The following PTPRD variants were observed in gnomAD, a reference collection of about 807,000 sequenced individuals.
PTPRD encodes the protein receptor-type tyrosine-protein phosphatase delta.
Under a neutral mutation model 214.5 loss-of-function variants are expected in PTPRD, and 34 were observed. The observed-to-expected ratio is 0.16, with a 90% CI of 0.12 to 0.21. PTPRD has a LOEUF of 0.21. PTPRD is among the 10% of genes least tolerant of loss of function. The probability of loss-of-function intolerance (pLI) is 1.00; values close to 1 mark genes in which losing one functional copy is unlikely to be tolerated. For missense variants in PTPRD, 2,545 were observed against 2,398.7 expected (o/e 1.06, Z -1.27); for synonymous variants, 1,128 against 845.7 (o/e 1.33, Z -5.79).
At chr9:9,385,760 A>T (rs1011972114) in intron 9 of PTPRD, among the ~76,000 whole-genome samples, 3 of 152,188 alleles carry the variant, frequency 2.0e-5, no homozygotes, top group African/African-American at 7.2e-5. Context: ...TAGTCGACAT[A>T]ACTTTGGGGT....
chr9:10,503,885 G>C (rs1163525759), intron 2 of PTPRD, among the ~76,000 whole-genome samples: 1 of 151,746 alleles, frequency 6.6e-6, no homozygotes, highest in South Asian at 2.1e-4. Flanking sequence ...GGGAGGCCGA[G>C]GTGGGCGGAT....
In PTPRD at chr9:10,262,969, A is replaced by T. The variant is rs143915017; in HGVS notation, c.-545+77994T>A. 3.7e-3 allele frequency among the ~76,000 whole-genome samples: 567 copies of T among 152,256 alleles called. 4 individuals carry two copies. The highest frequency in any genetic ancestry group is 6.6e-3 in the Non-Finnish European group (450 of 68,016). ...ATACTGTTCTCGTGGTAGTGAATAC[A>T]TCTCAAGAGATCTGATGGTTTTAAA... On this transcript the variant is annotated intron_variant, in intron 3 of 45. Transcript: ENST00000381196.
intron 11 of PTPRD, among the ~76,000 whole-genome samples, chr9:8,849,553 A>C (rs575440216): frequency 1.3e-3 from 192 of 152,278 alleles, no homozygotes; most frequent in Admixed American, 2.5e-3. Context: ...ACTCAATTCA[A>C]CGAAAAGGAA....
intron 3 of PTPRD, among the ~76,000 whole-genome samples, chr9:10,177,749 C>T (rs561399718): frequency 3.9e-4 from 59 of 151,920 alleles, no homozygotes; most frequent in Non-Finnish European, 7.2e-4. Flanking sequence ...GACCATTATT[C>T]TTTCTTCTCT....
chr9:10,056,320 C>CAAA (rs35142087), intron 3 of PTPRD, among the ~76,000 whole-genome samples: 1 of 127,042 alleles, frequency 7.9e-6, no homozygotes, highest in Non-Finnish European at 1.7e-5. Context: ...GACTCCATCT[C>CAAA]AAAAAAAAAA....
intron 2 of PTPRD, among the ~76,000 whole-genome samples, chr9:10,435,180 A>G (rs544430562): frequency 1.6e-4 from 24 of 151,978 alleles, no homozygotes; most frequent in African/African-American, 4.8e-4. Flanking sequence ...CAAAAGTACA[A>G]TCTGTGGAAA....
At chr9:8,707,469 A>C (rs1480823738) in intron 12 of PTPRD, among the ~76,000 whole-genome samples, 1 of 152,242 alleles carries the variant, frequency 6.6e-6, no homozygotes, top group African/African-American at 2.4e-5. Context: ...CATCCAGCAG[A>C]AAGTAGCAGT....
chr9:10,285,642 G>A (rs1006171331), intron 3 of PTPRD, among the ~76,000 whole-genome samples: 6 of 123,444 alleles, frequency 4.9e-5, no homozygotes, highest in Non-Finnish European at 7.8e-5. Context: ...ACAGAGTCTC[G>A]CTCTGTCGCC....
chr9:9,468,815 G>C (rs1044389482), intron 8 of PTPRD, among the ~76,000 whole-genome samples: 1 of 152,062 alleles, frequency 6.6e-6, no homozygotes, highest in Admixed American at 6.5e-5. Flanking sequence ...AGTCATTTAC[G>C]TAATGCCAGG....
rs1253366157 is a variant in PTPRD, at chr9:10,001,142, T to C, written c.-472+32576A>G. On this transcript the variant is annotated intron_variant, in intron 4 of 45. Coordinates refer to ENST00000381196, the MANE Select transcript of PTPRD (RefSeq NM_002839.4). The stretch of plus-strand genomic sequence containing the variant: ...AACCACTCCACGTGTGTCTCTGTCA[T>C]TTATCTAAATTGGCGTGAGACCAAT... Among the ~76,000 whole-genome samples the C allele has an allele frequency of 2.6e-5, 4 of 152,132 alleles. No individual in the cohort carries two copies. The South Asian group carries it at 6.2e-4, about 24-fold the overall frequency.
intron 3 of PTPRD, among the ~76,000 whole-genome samples, chr9:10,035,248 C>G (rs2097157776): frequency 1.3e-5 from 2 of 151,846 alleles, no homozygotes; most frequent in Non-Finnish European, 2.9e-5. Context: ...TGTAGGTCTT[C>G]TTTTGAGAAG....
At chr9:10,338,400 G>C (rs2096881007) in intron 3 of PTPRD, among the ~76,000 whole-genome samples, 1 of 151,632 alleles carries the variant, frequency 6.6e-6, no homozygotes, top group Admixed American at 6.6e-5. Flanking sequence ...TCCACACGCA[G>C]ACAAATGAAA....
At chr9:8,920,560 T>G (rs1306150040) in intron 11 of PTPRD, among the ~76,000 whole-genome samples, 2 of 152,010 alleles carry the variant, frequency 1.3e-5, no homozygotes, top group Non-Finnish European at 2.9e-5. Context: ...TAAAATACAC[T>G]AACACTAATG....
chr9:8,973,590 G>C (rs954686813), intron 11 of PTPRD, among the ~76,000 whole-genome samples: 1 of 151,934 alleles, frequency 6.6e-6, no homozygotes, highest in East Asian at 1.9e-4. Flanking sequence ...CAGTAATGGG[G>C]TTGCTAGGTT....
intron 11 of PTPRD, among the ~76,000 whole-genome samples, chr9:8,849,017 C>T (rs1045682692): frequency 2.0e-5 from 3 of 152,038 alleles, no homozygotes; most frequent in Non-Finnish European, 2.9e-5. Flanking sequence ...AACCACTATG[C>T]TATAGCTGTA....
At chr9:10,454,404 C>T (rs1251941339) in intron 2 of PTPRD, among the ~76,000 whole-genome samples, 1 of 151,490 alleles carries the variant, frequency 6.6e-6, no homozygotes, top group Non-Finnish European at 1.5e-5. Context: ...AAATACATTC[C>T]TCAGAATACT....
At chr9:9,257,331 G>A (rs981478892) in intron 9 of PTPRD, among the ~76,000 whole-genome samples, 1 of 151,916 alleles carries the variant, frequency 6.6e-6, no homozygotes, top group Non-Finnish European at 1.5e-5. Flanking sequence ...TTATGATGTT[G>A]AGTCTGTGGT....
intron 10 of PTPRD, among the ~76,000 whole-genome samples, chr9:9,150,311 A>T (rs1352296631): frequency 6.6e-6 from 1 of 151,880 alleles, no homozygotes; most frequent in African/African-American, 2.4e-5. Flanking sequence ...TTTACTAAGG[A>T]TACGTGCTTT....
rs150258921 is a variant in PTPRD, at chr9:8,921,309, C to G, written c.-104+97388G>C. Among the ~76,000 whole-genome samples, 484 of 152,230 alleles carry G rather than the reference C, an allele frequency of 3.2e-3. 4 individuals are homozygous for G. The highest frequency in any genetic ancestry group is 0.011 in the African/African-American group (460 of 41,546). On this transcript the variant is annotated intron_variant, in intron 11 of 45. Transcript: ENST00000381196. ...TGTGTTAAAGCTTCCTGAACTTGCTCTCACTCCTCTCTCACACACAGACAT... is the reference window on the plus strand; with the variant it reads ...TGTGTTAAAGCTTCCTGAACTTGCTGTCACTCCTCTCTCACACACAGACAT...
Sources: gnomAD v4.1 joint callset for allele counts (sites outside exome capture counted in the v4.1 genomes callset) on GRCh38, gnomAD v4.1.1 for gene constraint, MANE v1.5 for transcripts, NCBI Gene and HGNC (gene_info 2026-07-23, HGNC 2026-07-21) for gene names.